Variants in LCORL observed in about 807,000 individuals in gnomAD.
The protein encoded by LCORL is ligand dependent nuclear receptor corepressor like.
In LCORL, 41 loss-of-function variants were observed where a neutral mutation model predicts 141.8. The observed-to-expected ratio is 0.29, with a 90% CI of 0.23 to 0.38. The LOEUF is 0.38. Ranked by LOEUF, LCORL falls within the 10% of genes least tolerant of loss-of-function variation. The probability of loss-of-function intolerance (pLI) is 1.00; values close to 1 mark genes in which losing one functional copy is unlikely to be tolerated. For missense variants in LCORL, 1,759 were observed against 2,035.0 expected, an observed-to-expected ratio of 0.86 and a Z score of 2.61; for synonymous variants, 618 against 694.1, an observed-to-expected ratio of 0.89 and a Z score of 1.72.
rs900159537 is a variant in LCORL, at chr4:17,877,540, T to C, written c.1450A>G (p.Ile484Val). ...TGATGATCACTCTTATTGCTGCTGA[T>C]TTCTGCTGGTGTGAGAGATGGAGGC... Residue 484 changes from isoleucine (I) to valine (V), a missense_variant, in exon 7 of 8, where the codon ATC (isoleucine) becomes GTC (valine). By Grantham distance (29) the Ile-to-Val change is conservative. This residue lies in a region of LCORL where 1,311 missense variants were observed against 1,531.3 expected (regional missense o/e 0.86). Coordinates refer to ENST00000635767, the Ensembl canonical transcript of LCORL. The C allele has an allele frequency of 2.4e-6, 3 of 1,230,630 alleles. No individual in the cohort carries two copies. In the East Asian group the frequency reaches 9.5e-5, roughly 39 times the overall value. The allele number at this position is 1,230,630 out of a possible 1,614,324, so 76.2% of individuals were successfully genotyped here. A position where few individuals can be genotyped will look rare whatever the true frequency, so the allele number is the denominator to read the frequency against.
At chr4:17,849,040 G>A (rs570378411) in intron 7 of LCORL, among the ~76,000 whole-genome samples, 72 of 152,346 alleles carry the variant, frequency 4.7e-4, no homozygotes, top group African/African-American at 1.6e-3. Flanking sequence ...GCTCGAACTG[G>A]GTGGAGCCCA....
chr4:17,877,208 C>T (rs1727019420), exon 7 of LCORL: 1 of 1,230,076 alleles, frequency 8.1e-7, no homozygotes, highest in Non-Finnish European at 1.0e-6. Context: ...TATTTTCTAC[C>T]TTTTTATCAT....
chr4:17,903,608 A>T (rs1012405074), intron 5 of LCORL, among the ~76,000 whole-genome samples: 2 of 152,074 alleles, frequency 1.3e-5, no homozygotes, highest in African/African-American at 4.8e-5. Flanking sequence ...CCCTTCTACC[A>T]CTTTCTGAGG....
At chr4:17,934,256 A>T (rs761872705) in intron 4 of LCORL, among the ~76,000 whole-genome samples, 3 of 152,096 alleles carry the variant, frequency 2.0e-5, no homozygotes, top group Non-Finnish European at 2.9e-5. Context: ...TTTGTTCATC[A>T]AATGTAACAA....
chr4:17,863,723 T>C (rs906146916), intron 7 of LCORL, among the ~76,000 whole-genome samples: 2 of 152,190 alleles, frequency 1.3e-5, no homozygotes, highest in Non-Finnish European at 2.9e-5. Flanking sequence ...TTATTCATAA[T>C]AGCAAAGACA....
intron 1 of LCORL, among the ~76,000 whole-genome samples, chr4:17,989,316 T>C (rs1375725332): frequency 6.6e-6 from 1 of 152,260 alleles, no homozygotes; most frequent in Non-Finnish European, 1.5e-5. Context: ...AGATTTTTTG[T>C]AGATATCATA....
At chr4:17,912,711 A>G (rs972843635) in intron 4 of LCORL, 7 of 394,492 alleles carry the variant, frequency 1.8e-5, no homozygotes, top group African/African-American at 4.1e-5. Context: ...GAGTAGCTCA[A>G]TGGGCTCCTC....
At chr4:17,879,207 A>G (rs910191105) in intron 6 of LCORL, among the ~76,000 whole-genome samples, 2 of 151,132 alleles carry the variant, frequency 1.3e-5, no homozygotes, top group African/African-American at 4.8e-5. Flanking sequence ...CTATATTAAA[A>G]ATTATAAGAT....
At chr4:17,875,729 T>C in exon 7 of LCORL, 2 of 1,231,270 alleles carry the variant, frequency 1.6e-6, no homozygotes, top group Non-Finnish European at 2.0e-6. Flanking sequence ...GTTTCACAAC[T>C]TGGGGACCTA....
chr4:17,879,004 A>G (rs530235517), intron 6 of LCORL, among the ~76,000 whole-genome samples: 1 of 151,286 alleles, frequency 6.6e-6, no homozygotes, highest in East Asian at 1.9e-4. Context: ...ATATTTAAAG[A>G]GTTCTGTTTC....
chr4:17,940,091 CATAT>C (rs1208243894), intron 4 of LCORL, among the ~76,000 whole-genome samples: 2 of 128,460 alleles, frequency 1.6e-5, no homozygotes, highest in Non-Finnish European at 3.0e-5. Flanking sequence ...ACTATATATA[CATAT>C]ATAGGTAGAT....
At chr4:17,939,354 G>A (rs1233996657) in intron 4 of LCORL, among the ~76,000 whole-genome samples, 1 of 152,078 alleles carries the variant, frequency 6.6e-6, no homozygotes, top group Non-Finnish European at 1.5e-5. Context: ...TTCTACAACA[G>A]TTTGGCAGTT....
intron 4 of LCORL, among the ~76,000 whole-genome samples, chr4:17,920,499 G>C (rs994731940): frequency 1.3e-5 from 2 of 152,182 alleles, no homozygotes; most frequent in Non-Finnish European, 2.9e-5. Context: ...CTGCTGAAGG[G>C]TGGGGTGGCT....
chr4:17,938,775 T>C (rs1019257635), intron 4 of LCORL, among the ~76,000 whole-genome samples: 2 of 152,178 alleles, frequency 1.3e-5, no homozygotes, highest in African/African-American at 4.8e-5. Flanking sequence ...ACAATTTTTA[T>C]AACCCACTCA....
chr4:17,876,808 T>C, exon 7 of LCORL: 1 of 1,230,824 alleles, frequency 8.1e-7, no homozygotes, highest in Non-Finnish European at 1.0e-6. Context: ...ATGCTCATTT[T>C]CTCAGGGGAA....
intron 7 of LCORL, among the ~76,000 whole-genome samples, chr4:17,856,577 C>T (rs1335493787): frequency 6.6e-6 from 1 of 152,182 alleles, no homozygotes; most frequent in Non-Finnish European, 1.5e-5. Context: ...GAGACTAAAG[C>T]ACCCTCTTTC....
chr4:17,911,306 G>C (rs1732479840), intron 4 of LCORL, among the ~76,000 whole-genome samples: 1 of 151,810 alleles, frequency 6.6e-6, no homozygotes, highest in Non-Finnish European at 1.5e-5. Flanking sequence ...AAGTACGAGG[G>C]GTCTTCAAAG....
chr4:17,888,688 G>C (rs992885805), intron 5 of LCORL, among the ~76,000 whole-genome samples: 5 of 152,098 alleles, frequency 3.3e-5, no homozygotes, highest in Non-Finnish European at 7.4e-5. Flanking sequence ...TCAGGGTTCA[G>C]GATCTTGACT....
intron 2 of LCORL, among the ~76,000 whole-genome samples, chr4:17,964,639 C>T (rs1451539020): frequency 6.6e-6 from 1 of 152,094 alleles, no homozygotes; most frequent in East Asian, 1.9e-4. Context: ...AGGTTTCAAA[C>T]TTTCACCCCC....
Sources: allele counts gnomAD v4.1 joint callset (sites outside exome capture counted in the v4.1 genomes callset), GRCh38; gene constraint gnomAD v4.1.1; regional missense constraint gnomAD v4.1.1; transcripts MANE v1.5; gene names NCBI Gene and HGNC (gene_info 2026-07-23, HGNC 2026-07-21).